Variants in MBOAT2 observed in about 807,000 individuals in gnomAD.
MBOAT2 encodes the protein membrane-bound glycerophospholipid O-acyltransferase 2.
A neutral mutation model predicts 63.4 loss-of-function variants in MBOAT2; 28 were observed. The ratio of observed to expected loss-of-function variants is 0.44; its 90% CI spans 0.33 to 0.61. The LOEUF (loss-of-function observed/expected upper bound fraction) is 0.61. MBOAT2 is among the 20% of genes least tolerant of loss of function. The pLI, the probability that MBOAT2 is intolerant of heterozygous loss-of-function variation, is 0.03. For synonymous variants in MBOAT2, 211 were observed against 215.6 expected (o/e 0.98, Z 0.19); for missense variants, 470 against 605.8 (o/e 0.78, Z 2.35).
At chr2:8,932,036 T>C (rs1469271269) in intron 3 of MBOAT2, among the ~76,000 whole-genome samples, 2 of 152,220 alleles carry the variant, frequency 1.3e-5, no homozygotes, top group Non-Finnish European at 2.9e-5. Context: ...TTCACTAAAA[T>C]GCCTGGCAGT....
At position 8,873,091 on chromosome 2, in the gene MBOAT2, A is replaced by G. The variant is rs754435844; in HGVS notation, c.883+17T>C. ...GCTTCAACCAGACACAGGGAAATCT[A>G]TTTACATGTTACTTACCTAGCGTCC... is the stretch of plus-strand genomic sequence containing the variant. On this transcript the variant is annotated intron_variant, in intron 8 of 12. Transcript: ENST00000305997. 6.8e-6 allele frequency: 11 copies of G among 1,608,620 alleles called. No homozygotes were observed. Among genetic ancestry groups the G allele is most frequent in the Non-Finnish European group, 7.7e-6 (9 of 1,175,740 alleles).
chr2:8,912,417 C>A (rs558260310), intron 3 of MBOAT2, among the ~76,000 whole-genome samples: 2,629 of 130,448 alleles, frequency 0.02, 102 homozygotes, highest in African/African-American at 0.069. Context: ...GAAAGAAAGA[C>A]AGGCCGGCCG....
At chr2:8,914,683 C>T (rs1001446481) in intron 3 of MBOAT2, among the ~76,000 whole-genome samples, 1 of 152,044 alleles carries the variant, frequency 6.6e-6, no homozygotes, top group Admixed American at 6.6e-5. Flanking sequence ...TTGTTACTTA[C>T]CAATATACCC....
intron 3 of MBOAT2, among the ~76,000 whole-genome samples, chr2:8,911,082 C>A (rs370421023): frequency 6.6e-6 from 1 of 152,138 alleles, no homozygotes; most frequent in African/African-American, 2.4e-5. Context: ...GACTGAGAAG[C>A]GCCTTACAGT....
chr2:8,861,853 C>A (rs1446578014), intron 11 of MBOAT2, among the ~76,000 whole-genome samples: 1 of 152,178 alleles, frequency 6.6e-6, no homozygotes, highest in African/African-American at 2.4e-5. Flanking sequence ...AATTAGACTA[C>A]AAACTACTGG....
chr2:8,908,419 A>C, intron 4 of MBOAT2: 2 of 433,260 alleles, frequency 4.6e-6, no homozygotes, highest in Non-Finnish European at 8.3e-6. Flanking sequence ...GGCAGGAAGA[A>C]GCAGAACAAG....
intron 2 of MBOAT2, among the ~76,000 whole-genome samples, chr2:8,947,766 C>A (rs1329148437): frequency 6.6e-6 from 1 of 152,200 alleles, no homozygotes; most frequent in Non-Finnish European, 1.5e-5. Context: ...AATATTCCTG[C>A]ATATTGACAA....
At chr2:8,926,970 A>G (rs142514794) in intron 3 of MBOAT2, among the ~76,000 whole-genome samples, 2 of 152,308 alleles carry the variant, frequency 1.3e-5, no homozygotes, top group Non-Finnish European at 2.9e-5. Flanking sequence ...AAACAACTCA[A>G]TAGGAAACCA....
intron 1 of MBOAT2, among the ~76,000 whole-genome samples, chr2:8,994,662 T>C (rs1285513759): frequency 6.6e-6 from 1 of 152,202 alleles, no homozygotes; most frequent in African/African-American, 2.4e-5. Context: ...CTGGAATGCC[T>C]GCAGCCTGAG....
rs190285717 is a variant in MBOAT2, at chr2:8,968,013, T to A, written c.76-9371A>T. Among the ~76,000 whole-genome samples, 70 of 152,104 alleles carry A rather than the reference T, an allele frequency of 4.6e-4. No homozygotes were observed. The East Asian group carries it at 0.011, about 25-fold the overall frequency. On this transcript the variant is annotated intron_variant, in intron 1 of 12. Coordinates refer to ENST00000305997, the MANE Select transcript of MBOAT2 (RefSeq NM_138799.4). ...GACAGGTGATTTCTGCATTTCCAAC[T>A]GAGCTCTGAAGAGAGTAGTGGTTCT...
intron 1 of MBOAT2, among the ~76,000 whole-genome samples, chr2:8,964,964 A>C (rs1369085323): frequency 6.6e-6 from 1 of 152,132 alleles, no homozygotes; most frequent in Non-Finnish European, 1.5e-5. Context: ...TATATATCTG[A>C]AACTGATCTT....
intron 5 of MBOAT2, among the ~76,000 whole-genome samples, chr2:8,884,181 A>C (rs1394441935): frequency 7.7e-6 from 1 of 130,302 alleles, no homozygotes; most frequent in African/African-American, 2.9e-5. Context: ...GGTTTCAGTG[A>C]GCCAAGACTC....
At chr2:8,924,611 ACT>A (rs1666809741) in intron 3 of MBOAT2, among the ~76,000 whole-genome samples, 1 of 152,094 alleles carries the variant, frequency 6.6e-6, no homozygotes, top group South Asian at 2.1e-4. Flanking sequence ...AAATAATGAC[ACT>A]GATACATGAA....
chr2:9,003,578 G>A lies in MBOAT2; in HGVS notation c.37C>T (p.Gln13Ter). Reference protein sequence around the residue: ...TTSTTGSTLLQPLSNAVQLPI... With the variant: ...TTSTTGSTLL ...AGCTGCACGGCGTTGCTGAGGGGCTGCAGCAGGGTGGAGCCCGTGGTGCTG... is the reference window on the plus strand; with the variant it reads ...AGCTGCACGGCGTTGCTGAGGGGCTACAGCAGGGTGGAGCCCGTGGTGCTG... Residue 13 changes from glutamine (Q) to a stop codon, truncating the protein, a stop_gained, in exon 1 of 13, where the codon CAG (glutamine) becomes TAG (stop). Coordinates refer to ENST00000305997, the MANE Select transcript of MBOAT2 (RefSeq NM_138799.4). LOFTEE classifies it high-confidence loss of function. The surrounding 1 kb of genome is among the most constrained non-coding windows in gnomAD (Gnocchi z 5.4). 1.6e-6 allele frequency: 2 copies of A among 1,230,710 alleles called. No individual in the cohort carries two copies. The highest frequency in any genetic ancestry group is 1.0e-6 in the Non-Finnish European group (1 of 980,116). 76.2% of individuals were successfully genotyped at this position (1,230,710 alleles called of 1,614,324 possible). A position where few individuals can be genotyped will look rare whatever the true frequency, so the allele number is the denominator to read the frequency against.
intron 9 of MBOAT2, among the ~76,000 whole-genome samples, chr2:8,867,036 C>T (rs888267564): frequency 6.6e-6 from 1 of 152,084 alleles, no homozygotes; most frequent in African/African-American, 2.4e-5. Context: ...TGATCCTTTT[C>T]GCAGGCTAGC....
intron 2 of MBOAT2, among the ~76,000 whole-genome samples, chr2:8,943,853 T>C (rs1165675328): frequency 6.6e-6 from 1 of 152,190 alleles, no homozygotes; most frequent in East Asian, 1.9e-4. Context: ...ACAAACATCC[T>C]GGCTAACATG....
chr2:8,894,282 GA>G (rs1013907124), intron 4 of MBOAT2, among the ~76,000 whole-genome samples: 6 of 152,266 alleles, frequency 3.9e-5, no homozygotes, highest in African/African-American at 1.4e-4. Context: ...GTAGGGTGGG[GA>G]ACAGACAAAG....
intron 3 of MBOAT2, among the ~76,000 whole-genome samples, chr2:8,912,664 C>T (rs1558607536): frequency 6.6e-6 from 1 of 152,108 alleles, no homozygotes; most frequent in Non-Finnish European, 1.5e-5. Flanking sequence ...ACAAGGAAAA[C>T]TACAAAACAC....
rs994449592 is a variant in MBOAT2 at position 8,862,858 on chromosome 2, C to T, written c.1053-136G>A. ...ACAAATACAACTTATCTTAGGCAATCACTTCTCTATGATCTCAGGGAGGCT... is the reference window on the plus strand; with the variant it reads ...ACAAATACAACTTATCTTAGGCAATTACTTCTCTATGATCTCAGGGAGGCT... On this transcript the variant is annotated intron_variant, in intron 10 of 12. Transcript: ENST00000305997. The surrounding 1 kb of genome is among the most constrained non-coding windows in gnomAD (Gnocchi z 4.3). The T allele has an allele frequency of 1.4e-5, 15 of 1,087,086 alleles. No individual in the cohort carries two copies. In the African/African-American group the frequency reaches 2.1e-4, roughly 15 times the overall value. The allele number at this position is 1,087,086 out of a possible 1,614,324, so 67.3% of individuals were successfully genotyped here.
Sources: allele counts gnomAD v4.1 joint callset (sites outside exome capture counted in the v4.1 genomes callset), GRCh38; gene constraint gnomAD v4.1.1; non-coding constraint Gnocchi (gnomAD v3.1); transcripts MANE v1.5; gene names NCBI Gene and HGNC (gene_info 2026-07-23, HGNC 2026-07-21).